Variants in ATP10A observed in about 807,000 individuals in gnomAD.
ATP10A encodes ATPase phospholipid transporting 10A (putative), also known as phospholipid-transporting ATPase VA.
A neutral mutation model predicts 147.8 loss-of-function variants in ATP10A; 111 were observed. The ratio of observed to expected loss-of-function variants is 0.75; its 90% confidence interval spans 0.64 to 0.88. The LOEUF (loss-of-function observed/expected upper bound fraction) is 0.88, where lower values mean the gene tolerates loss of function less well. Ranked by LOEUF, ATP10A falls within the 40% of genes least tolerant of loss-of-function variation. The probability of loss-of-function intolerance (pLI) is 0.00; values close to 1 mark genes in which losing one functional copy is unlikely to be tolerated. For missense variants in ATP10A, 1,927 were observed against 1,959.0 expected (o/e 0.98, Z 0.31); for synonymous variants, 875 against 841.6 (o/e 1.04, Z -0.69).
At chr15:25,777,758 T>C (rs1889685316) in intron 2 of ATP10A, among the ~76,000 whole-genome samples, 2 of 148,272 alleles carry the variant, frequency 1.3e-5, no homozygotes, top group South Asian at 4.4e-4. Context: ...CACCACGATA[T>C]CTGGCAATTT....
Position 25,863,031 on chromosome 15 carries a change from G to T in ATP10A, c.66C>A (p.Gly22=). 1.6e-6 allele frequency: 2 copies of T among 1,287,840 alleles called. No homozygotes were observed. Among genetic ancestry groups the T allele is most frequent in the South Asian group, 2.6e-5 (1 of 38,874 alleles). 79.8% of individuals were successfully genotyped at this position (1,287,840 alleles called of 1,614,324 possible). ...GPPGRRRRRE[G]RTRTVRSNLL... is the part of the protein sequence containing the mutation. ...GGTTGGAGCGCACCGTGCGCGTCCT[G>T]CCCTCTCGGCGCCTCCGCCGTCCCG... Residue 22 remains glycine (G), a synonymous_variant, in exon 1 of 21, where the codon GGC becomes GGA. Transcript: ENST00000555815.
intron 3 of ATP10A, among the ~76,000 whole-genome samples, chr15:25,728,691 G>A (rs1056994455): frequency 2.0e-5 from 3 of 152,190 alleles, no homozygotes; most frequent in Admixed American, 6.5e-5. Context: ...AAGGACAAAC[G>A]ATAAACTTTA....
intron 1 of ATP10A, among the ~76,000 whole-genome samples, chr15:25,843,302 A>C (rs1373658288): frequency 6.9e-6 from 1 of 145,642 alleles, no homozygotes; most frequent in Admixed American, 7.0e-5. Flanking sequence ...CAGTGTGTGC[A>C]GAGGCTCCCA....
At chr15:25,840,433 A>C (rs561645701) in intron 1 of ATP10A, among the ~76,000 whole-genome samples, 1 of 151,866 alleles carries the variant, frequency 6.6e-6, no homozygotes, top group Non-Finnish European at 1.5e-5. Context: ...GGCTTTTTCC[A>C]TTCACCAAAA....
At chr15:25,810,990 G>A (rs943152039) in intron 1 of ATP10A, among the ~76,000 whole-genome samples, 3 of 152,206 alleles carry the variant, frequency 2.0e-5, no homozygotes, top group Non-Finnish European at 4.4e-5. Flanking sequence ...AGCTGGGGCT[G>A]GAAGGAGGCG....
intron 12 of ATP10A, among the ~76,000 whole-genome samples, chr15:25,705,121 A>T (rs1219201359): frequency 6.6e-6 from 1 of 152,144 alleles, no homozygotes; most frequent in Non-Finnish European, 1.5e-5. Flanking sequence ...GAAGATAGTT[A>T]TGTATGGTTC....
At chr15:25,735,837 G>A (rs1887236647) in intron 3 of ATP10A, among the ~76,000 whole-genome samples, 1 of 152,116 alleles carries the variant, frequency 6.6e-6, no homozygotes. Flanking sequence ...AGATGGTAGT[G>A]GCAAGCTTCT....
rs1198523375 is a variant in ATP10A at position 25,691,817 on chromosome 15, T to G, written c.3089-26A>C. 10 of 1,613,462 alleles carry G rather than the reference T, an allele frequency of 6.2e-6. 1 individual carries two copies. The Admixed American group carries it at 1.3e-4, about 22-fold the overall frequency. ...CTAGAAACAGCACAGGCAAGAAGAA[T>G]TGTTTGATTCTAGAAACAGCACAGA... On this transcript the variant is annotated intron_variant, in intron 14 of 20. Coordinates refer to ENST00000555815, the MANE Select transcript of ATP10A (RefSeq NM_024490.4).
At chr15:25,684,617 C>T (rs1899613735) in intron 16 of ATP10A, among the ~76,000 whole-genome samples, 1 of 152,122 alleles carries the variant, frequency 6.6e-6, no homozygotes, top group South Asian at 2.1e-4. Flanking sequence ...TGGCTGAGGT[C>T]ACGGTGTGAG....
intron 1 of ATP10A, among the ~76,000 whole-genome samples, chr15:25,790,715 A>G (rs896548251): frequency 2.0e-5 from 3 of 152,220 alleles, no homozygotes; most frequent in African/African-American, 7.2e-5. Flanking sequence ...TTTTAACATG[A>G]AACTTTTTTT....
intron 1 of ATP10A, among the ~76,000 whole-genome samples, chr15:25,802,880 G>A (rs1483163918): frequency 1.3e-5 from 2 of 152,144 alleles, no homozygotes; most frequent in African/African-American, 2.4e-5. Flanking sequence ...CATCAGTTCC[G>A]AGGATTCGGA....
chr15:25,677,265 C>T (rs1899156717), downstream of ATP10A: 1 of 152,164 alleles, frequency 6.6e-6, no homozygotes, highest in Middle Eastern at 3.2e-3. Context: ...CATTTTGACA[C>T]CAAACTTAGT....
intron 1 of ATP10A, among the ~76,000 whole-genome samples, chr15:25,784,251 G>A (rs538175965): frequency 2.0e-5 from 3 of 152,268 alleles, no homozygotes; most frequent in East Asian, 1.9e-4. Context: ...AAGCATCGGC[G>A]GGGCAGGCTT....
Position 25,862,616 on chromosome 15 carries a change from C to T in ATP10A, c.449+32G>A, listed in dbSNP as rs762746297. Reference sequence around the variant, plus strand: ...CCCGGGGCGCCCTGCCCTGCGCCACCGCGCGCTCGCTCGCCCGCCCGCCCA... The same window carrying T: ...CCCGGGGCGCCCTGCCCTGCGCCACTGCGCGCTCGCTCGCCCGCCCGCCCA... On this transcript the variant is annotated intron_variant, in intron 1 of 20. Transcript: ENST00000555815. The T allele has an allele frequency of 5.3e-6, 8 of 1,516,528 alleles. No homozygotes were observed. The African/African-American group carries it at 1.1e-4, about 21-fold the overall frequency. 93.9% of individuals were successfully genotyped at this position (1,516,528 alleles called of 1,614,324 possible).
chr15:25,696,384 T>C lies in ATP10A; in HGVS notation c.2761-1238A>G, dbSNP rs1228424552. 6.6e-5 allele frequency among the ~76,000 whole-genome samples: 10 copies of C among 152,210 alleles called. No individual in the cohort carries two copies. In the South Asian group the frequency reaches 2.1e-3, roughly 32 times the overall value. On this transcript the variant is annotated intron_variant, in intron 13 of 20. Coordinates refer to ENST00000555815, the MANE Select transcript of ATP10A (RefSeq NM_024490.4). ...GAGGGAGAGCTTTGCTTCCAGGGCA[T>C]GGGGTGGGATATGGCAGTAACTGGG... is the stretch of plus-strand genomic sequence containing the variant.
intron 1 of ATP10A, among the ~76,000 whole-genome samples, chr15:25,854,216 TGTGAA>T (rs1893411795): frequency 6.6e-6 from 1 of 152,118 alleles, no homozygotes; most frequent in Non-Finnish European, 1.5e-5. Flanking sequence ...GCCTGGGGCC[TGTGAA>T]GGACAGGACA....
intron 1 of ATP10A, among the ~76,000 whole-genome samples, chr15:25,822,393 T>G (rs1891929439): frequency 6.6e-6 from 1 of 152,216 alleles, no homozygotes; most frequent in Non-Finnish European, 1.5e-5. Context: ...ACTGGATATG[T>G]AACTTTGGGA....
intron 1 of ATP10A, among the ~76,000 whole-genome samples, chr15:25,798,461 A>T (rs1890786259): frequency 6.6e-6 from 1 of 152,182 alleles, no homozygotes; most frequent in East Asian, 1.9e-4. Flanking sequence ...ACACCCACGC[A>T]AGTCCATTTG....
At chr15:25,711,037 C>T (rs1181912056) in intron 10 of ATP10A, among the ~76,000 whole-genome samples, 1 of 151,688 alleles carries the variant, frequency 6.6e-6, no homozygotes, top group African/African-American at 2.4e-5. Context: ...GTGAGTGACT[C>T]GTCCAGGGTC....
Sources: allele counts gnomAD v4.1 joint callset (sites outside exome capture counted in the v4.1 genomes callset), GRCh38; gene constraint gnomAD v4.1.1; transcripts MANE v1.5; gene names NCBI Gene and HGNC (gene_info 2026-07-23, HGNC 2026-07-21).